FOXP2: variants seen among roughly 807,000 people sequenced by gnomAD.
FOXP2 encodes the protein forkhead box P2.
Under a neutral mutation model 115.8 loss-of-function variants are expected in FOXP2, and 12 were observed. The observed-to-expected ratio is 0.10, with a 90% CI of 0.07 to 0.17. The LOEUF is 0.17. Ranked by LOEUF, FOXP2 falls within the 10% of genes least tolerant of loss-of-function variation. The pLI, the probability that FOXP2 is intolerant of heterozygous loss-of-function variation, is 1.00. For synonymous variants in FOXP2, 328 were observed against 297.7 expected, an observed-to-expected ratio of 1.10 and a Z score of -1.05; for missense variants, 629 against 843.5, an observed-to-expected ratio of 0.75 and a Z score of 3.15.
chr7:114,637,026 T>C (rs1344010942), intron 6 of FOXP2, among the ~76,000 whole-genome samples: 2 of 151,976 alleles, frequency 1.3e-5, no homozygotes, highest in East Asian at 1.9e-4. Context: ...ATAAAATAAT[T>C]AGCTGAGCAT....
At position 114,165,268 on chromosome 7, in the gene FOXP2, A is replaced by C. The variant is rs952422941; in HGVS notation, c.-102+2180A>C. 2.6e-4 allele frequency among the ~76,000 whole-genome samples: 39 copies of C among 152,222 alleles called. 1 individual carries two copies. Among genetic ancestry groups the C allele is most frequent in the Admixed American group, 2.2e-3 (34 of 15,280 alleles). On this transcript the variant is annotated intron_variant, in intron 1 of 17. Transcript: ENST00000634411. ...CCTCTCCTATTCCACATTATACTGG[A>C]AGTCCTAGCTAAGGCAAGAAAACAA...
chr7:114,672,317 G>T (rs1257492320), intron 16 of FOXP2, among the ~76,000 whole-genome samples: 2 of 152,216 alleles, frequency 1.3e-5, no homozygotes, highest in Non-Finnish European at 2.9e-5. Context: ...GGGTGCAATG[G>T]CTCATGCCTG....
intron 3 of FOXP2, among the ~76,000 whole-genome samples, chr7:114,593,895 A>G (rs1802564207): frequency 6.6e-6 from 1 of 152,140 alleles, no homozygotes; most frequent in Non-Finnish European, 1.5e-5. Flanking sequence ...TAGTTGATTG[A>G]ACCATTAAAT....
chr7:114,606,198 A>G (rs1803314008), intron 3 of FOXP2, among the ~76,000 whole-genome samples: 1 of 152,178 alleles, frequency 6.6e-6, no homozygotes, highest in African/African-American at 2.4e-5. Context: ...ATTCAAGGAG[A>G]CAGGATCTAC....
intron 1 of FOXP2, among the ~76,000 whole-genome samples, chr7:114,245,975 G>T (rs752344886): frequency 2.0e-5 from 3 of 152,064 alleles, no homozygotes; most frequent in African/African-American, 2.4e-5. Flanking sequence ...ATATAAAGGT[G>T]ATTGTTCTCT....
chr7:114,315,279 A>G (rs1363233021), intron 2 of FOXP2, among the ~76,000 whole-genome samples: 1 of 152,178 alleles, frequency 6.6e-6, no homozygotes, highest in East Asian at 1.9e-4. Flanking sequence ...TTTCTCATTT[A>G]TCTATTATTC....
chr7:114,500,459 A>T (rs775028389), intron 2 of FOXP2, among the ~76,000 whole-genome samples: 4 of 152,030 alleles, frequency 2.6e-5, no homozygotes, highest in Non-Finnish European at 5.9e-5. Flanking sequence ...TTATGTATAC[A>T]TATATTAATA....
At chr7:114,170,938 A>T (rs978930242) in intron 1 of FOXP2, among the ~76,000 whole-genome samples, 8 of 152,268 alleles carry the variant, frequency 5.3e-5, no homozygotes, top group Non-Finnish European at 7.3e-5. Context: ...CAATGTGGAT[A>T]GAACAACCTT....
chr7:114,674,460 T>C (rs1807655152), intron 16 of FOXP2, among the ~76,000 whole-genome samples: 1 of 152,200 alleles, frequency 6.6e-6, no homozygotes, highest in Non-Finnish European at 1.5e-5. Context: ...ATTATTTCTG[T>C]AGAACTGAAG....
chr7:114,130,654 T>C (rs1791848784), intron 1 of FOXP2, among the ~76,000 whole-genome samples: 1 of 152,206 alleles, frequency 6.6e-6, no homozygotes, highest in Non-Finnish European at 1.5e-5. Context: ...GTTTAACTTT[T>C]AGTGTGTGAA....
At chr7:114,138,703 A>G (rs1475461906) in intron 1 of FOXP2, among the ~76,000 whole-genome samples, 2 of 152,042 alleles carry the variant, frequency 1.3e-5, no homozygotes, top group Admixed American at 6.6e-5. Flanking sequence ...GCCTATTTTA[A>G]TCATGAGAAA....
intron 1 of FOXP2, among the ~76,000 whole-genome samples, chr7:114,197,263 C>G (rs1055205784): frequency 1.3e-5 from 2 of 152,144 alleles, no homozygotes; most frequent in Non-Finnish European, 2.9e-5. Context: ...TATTAGTCAG[C>G]CTAGGCTGCT....
intron 1 of FOXP2, among the ~76,000 whole-genome samples, chr7:114,236,226 A>C (rs1442431719): frequency 6.6e-6 from 1 of 152,242 alleles, no homozygotes; most frequent in Non-Finnish European, 1.5e-5. Flanking sequence ...TAAATAAATG[A>C]TAGATTAGAC....
Position 114,676,996 on chromosome 7 carries a change from C to T in FOXP2, c.2003+12560C>T, listed in dbSNP as rs1372967948. Reference sequence around the variant, plus strand: ...CCAGGCCAACATGATGAAATCCCATCTCTACTAAAAATACAAAAAATTAGC... The same window carrying T: ...CCAGGCCAACATGATGAAATCCCATTTCTACTAAAAATACAAAAAATTAGC... On this transcript the variant is annotated intron_variant, in intron 16 of 16. Coordinates refer to ENST00000350908, the MANE Select transcript of FOXP2 (RefSeq NM_014491.4). 2.0e-5 allele frequency among the ~76,000 whole-genome samples: 3 copies of T among 151,908 alleles called. No individual in the cohort carries two copies. The East Asian group carries it at 5.8e-4, about 29-fold the overall frequency.
intron 1 of FOXP2, among the ~76,000 whole-genome samples, chr7:114,254,029 T>A (rs1386619544): frequency 6.6e-6 from 1 of 152,178 alleles, no homozygotes; most frequent in East Asian, 1.9e-4. Context: ...CTGTGAAGGA[T>A]TTTATTTCTC....
intron 2 of FOXP2, among the ~76,000 whole-genome samples, chr7:114,353,178 T>C (rs1452684462): frequency 6.6e-6 from 1 of 152,114 alleles, no homozygotes; most frequent in Non-Finnish European, 1.5e-5. Context: ...AGTGTTTTCA[T>C]TGCCCATACA....
chr7:114,667,670 G>A (rs1807242574), intron 16 of FOXP2: 1 of 152,094 alleles, frequency 6.6e-6, no homozygotes, highest in South Asian at 2.1e-4. Flanking sequence ...TAGGAAGTGG[G>A]ACCAGACTGC....
At chr7:114,263,196 C>T (rs972328399) in intron 1 of FOXP2, among the ~76,000 whole-genome samples, 1 of 152,172 alleles carries the variant, frequency 6.6e-6, no homozygotes. Context: ...GAATTGCTCA[C>T]TATCCTTTAT....
chr7:114,267,807 AC>A (rs1414519442), intron 1 of FOXP2, among the ~76,000 whole-genome samples: 1 of 150,362 alleles, frequency 6.7e-6, no homozygotes, highest in East Asian at 1.9e-4. Flanking sequence ...TATATATAAA[AC>A]ATTTATCATT....
Sources: allele counts gnomAD v4.1 joint callset (sites outside exome capture counted in the v4.1 genomes callset), GRCh38; gene constraint gnomAD v4.1.1; transcripts MANE v1.5; gene names NCBI Gene and HGNC (gene_info 2026-07-23, HGNC 2026-07-21).